Variants in MAGI1 observed in about 807,000 individuals in gnomAD.
MAGI1 encodes membrane-associated guanylate kinase, WW and PDZ domain-containing protein 1.
A neutral mutation model predicts 139.9 loss-of-function variants in MAGI1; 58 were observed. The observed-to-expected ratio is 0.41, with a 90% CI of 0.34 to 0.52. The LOEUF is 0.52. Ranked by LOEUF, MAGI1 falls within the 20% of genes least tolerant of loss-of-function variation. The pLI, the probability that MAGI1 is intolerant of heterozygous loss-of-function variation, is 0.12. For synonymous variants in MAGI1, 812 were observed against 737.9 expected, an observed-to-expected ratio of 1.10 and a Z score of -1.63; for missense variants, 1,874 against 1,901.6, an observed-to-expected ratio of 0.99 and a Z score of 0.27.
chr3:65,843,080 C>A (rs113025264), intron 1 of MAGI1, among the ~76,000 whole-genome samples: 4,524 of 152,258 alleles, frequency 0.03, 105 homozygotes, highest in Non-Finnish European at 0.044. Flanking sequence ...ACTTTTCTCT[C>A]CATAAATGTA....
chr3:65,703,135 A>G (rs2089730200), intron 1 of MAGI1, among the ~76,000 whole-genome samples: 2 of 152,094 alleles, frequency 1.3e-5, no homozygotes, highest in African/African-American at 4.8e-5. Context: ...GCATCTCTCT[A>G]CTGTTTTGGC....
At chr3:65,933,737 C>A (rs535137864) in intron 1 of MAGI1, among the ~76,000 whole-genome samples, 1 of 152,018 alleles carries the variant, frequency 6.6e-6, no homozygotes, top group East Asian at 1.9e-4. Context: ...ATATAGTATT[C>A]GGAGTAAAAG....
At chr3:65,486,825 AGGATGG>A in intron 3 of MAGI1, among the ~76,000 whole-genome samples, 1 of 152,182 alleles carries the variant, frequency 6.6e-6, no homozygotes, top group African/African-American at 2.4e-5. Flanking sequence ...AGAAAGTTTC[AGGATGG>A]AGTCCCTGCC....
chr3:65,369,752 G>C (rs1271674690), intron 18 of MAGI1, among the ~76,000 whole-genome samples: 1 of 151,572 alleles, frequency 6.6e-6, no homozygotes, highest in African/African-American at 2.4e-5. Context: ...CAGGCATTCT[G>C]CCCACCTTGG....
intron 1 of MAGI1, among the ~76,000 whole-genome samples, chr3:65,776,570 C>T (rs1395557032): frequency 2.6e-5 from 4 of 152,038 alleles, no homozygotes; most frequent in African/African-American, 7.2e-5. Context: ...TGGCTCTCCT[C>T]GAATATCTGG....
intron 1 of MAGI1, among the ~76,000 whole-genome samples, chr3:65,685,678 A>G (rs1280207478): frequency 6.6e-6 from 1 of 152,202 alleles, no homozygotes; most frequent in Non-Finnish European, 1.5e-5. Flanking sequence ...TGCTATTTTC[A>G]TTTGATCATT....
intron 1 of MAGI1, among the ~76,000 whole-genome samples, chr3:65,798,542 C>A (rs1030077345): frequency 6.6e-6 from 1 of 152,114 alleles, no homozygotes; most frequent in South Asian, 2.1e-4. Flanking sequence ...ATGGCTCTTG[C>A]CTCTTTACCA....
chr3:65,774,845 G>A (rs1369427659), intron 1 of MAGI1, among the ~76,000 whole-genome samples: 2 of 152,122 alleles, frequency 1.3e-5, no homozygotes, highest in Non-Finnish European at 2.9e-5. Flanking sequence ...TTAGGCAATA[G>A]GGAGAAGATT....
At chr3:65,428,077 T>C (rs938155337) in intron 12 of MAGI1, among the ~76,000 whole-genome samples, 3 of 152,190 alleles carry the variant, frequency 2.0e-5, no homozygotes, top group Non-Finnish European at 2.9e-5. Context: ...ACTCTGTATT[T>C]TGGGTTTCCT....
chr3:65,613,514 T>G (rs2083222623), intron 2 of MAGI1, among the ~76,000 whole-genome samples: 1 of 152,218 alleles, frequency 6.6e-6, no homozygotes, highest in Admixed American at 6.5e-5. Flanking sequence ...TTGAATCTAT[T>G]AACAGACACA....
At chr3:65,357,849 G>C (rs146287573) in intron 22 of MAGI1, among the ~76,000 whole-genome samples, 1 of 152,104 alleles carries the variant, frequency 6.6e-6, no homozygotes, top group Non-Finnish European at 1.5e-5. Context: ...GGATATGTAC[G>C]CAAGGGCCCA....
intron 3 of MAGI1, among the ~76,000 whole-genome samples, chr3:65,492,857 T>C (rs1952143990): frequency 6.6e-6 from 1 of 152,098 alleles, no homozygotes; most frequent in African/African-American, 2.4e-5. Flanking sequence ...GGCGGGCGGA[T>C]CACGAGGTCA....
At position 65,688,461 on chromosome 3, in the gene MAGI1, A is replaced by C. The variant is rs1431966666; in HGVS notation, c.314-66373T>G. On this transcript the variant is annotated intron_variant, in intron 1 of 22. Coordinates refer to ENST00000402939, the MANE Select transcript of MAGI1 (RefSeq NM_001033057.2). ...GAGGAAGAAGAAAGCATGGAAACTC[A>C]AAAGTGACCTTCCCTTCACTCCCTT... 4 of 476,742 alleles carry C rather than the reference A, an allele frequency of 8.4e-6. No individual in the cohort carries two copies. The East Asian group carries it at 1.5e-4, about 17-fold the overall frequency. The allele number at this position is 476,742 out of a possible 1,614,324, so 29.5% of individuals were successfully genotyped here.
intron 1 of MAGI1, among the ~76,000 whole-genome samples, chr3:65,897,167 T>C (rs1463467101): frequency 6.6e-6 from 1 of 152,240 alleles, no homozygotes; most frequent in African/African-American, 2.4e-5. Context: ...AGAATAAAAC[T>C]GGTTATATTT....
chr3:65,686,361 G>C (rs372357636), intron 1 of MAGI1, among the ~76,000 whole-genome samples: 2 of 152,120 alleles, frequency 1.3e-5, no homozygotes, highest in African/African-American at 4.8e-5. Flanking sequence ...GCACGATCTC[G>C]GCTCACTGCA....
intron 1 of MAGI1, among the ~76,000 whole-genome samples, chr3:65,923,837 G>T (rs17074142): frequency 1.3e-5 from 2 of 152,112 alleles, no homozygotes; most frequent in African/African-American, 2.4e-5. Context: ...AAAAAAGAGC[G>T]TTGTTTCCTC....
chr3:65,633,227 G>A (rs1350764746), intron 1 of MAGI1, among the ~76,000 whole-genome samples: 3 of 152,218 alleles, frequency 2.0e-5, no homozygotes, highest in Non-Finnish European at 4.4e-5. Context: ...CCCACTGTGC[G>A]GCTGACAATA....
chr3:65,578,196 A>G (rs2081262298), intron 2 of MAGI1, among the ~76,000 whole-genome samples: 1 of 152,158 alleles, frequency 6.6e-6, no homozygotes, highest in South Asian at 2.1e-4. Flanking sequence ...CTAAGCACCC[A>G]TACCATGTTG....
intron 2 of MAGI1, among the ~76,000 whole-genome samples, chr3:65,576,536 T>C (rs1483109207): frequency 2.0e-5 from 3 of 152,224 alleles, no homozygotes; most frequent in African/African-American, 7.2e-5. Flanking sequence ...CTGACTGAAG[T>C]AGGCAAATAC....
Sources: allele counts gnomAD v4.1 joint callset (sites outside exome capture counted in the v4.1 genomes callset), GRCh38; gene constraint gnomAD v4.1.1; transcripts MANE v1.5; gene names NCBI Gene and HGNC (gene_info 2026-07-23, HGNC 2026-07-21).